Variants in SGCZ observed in about 807,000 individuals in gnomAD.
SGCZ encodes the protein sarcoglycan zeta.
In SGCZ, 40 loss-of-function variants were observed where a neutral mutation model predicts 41.3. The observed-to-expected ratio is 0.97, with a 90% CI of 0.75 to 1.26. SGCZ has a LOEUF of 1.26. Ranked by LOEUF, SGCZ falls within the 50% of genes most tolerant of loss-of-function variation. The pLI, the probability that SGCZ is intolerant of heterozygous loss-of-function variation, is 0.00. For missense variants in SGCZ, 552 were observed against 369.8 expected (o/e 1.49, Z -4.04); for synonymous variants, 206 against 137.5 (o/e 1.50, Z -3.49).
intron 2 of SGCZ, among the ~76,000 whole-genome samples, chr8:14,423,269 A>C (rs958870270): frequency 1.3e-5 from 2 of 152,050 alleles, no homozygotes; most frequent in Admixed American, 6.6e-5. Flanking sequence ...ATATGTAACT[A>C]ATCTGCACAT....
chr8:14,774,532 C>G lies in SGCZ; in HGVS notation c.40-219606G>C, dbSNP rs1008728067. Among the ~76,000 whole-genome samples, 68 of 152,200 alleles carry G rather than the reference C, an allele frequency of 4.5e-4. 1 individual carries two copies. The highest frequency in any genetic ancestry group is 1.9e-4 in the Non-Finnish European group (13 of 68,028). ...GTTGCAGCCCTTATGGCTTCTCCCA[C>G]ATGGTGTGGAAATCAGTCTTTATCA... is the stretch of plus-strand genomic sequence containing the variant. On this transcript the variant is annotated intron_variant, in intron 1 of 7. Coordinates refer to ENST00000382080, the MANE Select transcript of SGCZ (RefSeq NM_139167.4).
intron 4 of SGCZ, among the ~76,000 whole-genome samples, chr8:14,216,140 A>C (rs1226051541): frequency 1.3e-5 from 2 of 152,242 alleles, no homozygotes; most frequent in East Asian, 3.8e-4. Context: ...GTAATGATTA[A>C]AGGCCAGATT....
At chr8:14,407,841 C>T (rs1359922547) in intron 2 of SGCZ, among the ~76,000 whole-genome samples, 1 of 152,086 alleles carries the variant, frequency 6.6e-6, no homozygotes, top group African/African-American at 2.4e-5. Flanking sequence ...AAAGTAGCTC[C>T]TAAACCTCCT....
At chr8:14,497,646 T>C (rs1170334368) in intron 2 of SGCZ, among the ~76,000 whole-genome samples, 1 of 152,030 alleles carries the variant, frequency 6.6e-6, no homozygotes, top group African/African-American at 2.4e-5. Context: ...ATTTTATGTG[T>C]GGCCCAAGAT....
At chr8:14,766,494 C>A (rs1376239984) in intron 1 of SGCZ, among the ~76,000 whole-genome samples, 2 of 152,064 alleles carry the variant, frequency 1.3e-5, no homozygotes, top group African/African-American at 4.8e-5. Flanking sequence ...ACAAACTCAA[C>A]AGATGTTTGT....
intron 3 of SGCZ, among the ~76,000 whole-genome samples, chr8:14,299,446 AT>A (rs1801117403): frequency 6.6e-6 from 1 of 151,996 alleles, no homozygotes; most frequent in Non-Finnish European, 1.5e-5. Flanking sequence ...TATATAAACA[AT>A]TCCTACAAAT....
At chr8:14,449,352 G>T (rs904388192) in intron 2 of SGCZ, among the ~76,000 whole-genome samples, 2 of 152,134 alleles carry the variant, frequency 1.3e-5, no homozygotes, top group Non-Finnish European at 2.9e-5. Context: ...GATGAATGAT[G>T]TGCAATACCA....
chr8:14,837,836 T>C (rs959037054), intron 1 of SGCZ, among the ~76,000 whole-genome samples: 3 of 152,296 alleles, frequency 2.0e-5, no homozygotes, highest in African/African-American at 7.2e-5. Context: ...GGAGTGCATG[T>C]GATATTTTGA....
At chr8:14,331,390 C>T (rs949750889) in intron 2 of SGCZ, among the ~76,000 whole-genome samples, 12 of 152,012 alleles carry the variant, frequency 7.9e-5, no homozygotes, top group Non-Finnish European at 1.6e-4. Flanking sequence ...TTTTTTAATA[C>T]TTTATACTGA....
intron 1 of SGCZ, among the ~76,000 whole-genome samples, chr8:14,990,589 T>C (rs546320971): frequency 2.0e-5 from 3 of 152,082 alleles, no homozygotes; most frequent in Non-Finnish European, 4.4e-5. Context: ...CTGTCTCTCA[T>C]CACCCCTAGA....
At chr8:14,947,492 C>A (rs913382777) in intron 1 of SGCZ, among the ~76,000 whole-genome samples, 1 of 152,166 alleles carries the variant, frequency 6.6e-6, no homozygotes, top group Non-Finnish European at 1.5e-5. Context: ...AAAAGATGCT[C>A]TGCTACTGGA....
intron 3 of SGCZ, among the ~76,000 whole-genome samples, chr8:14,296,186 C>A (rs1425595120): frequency 1.3e-5 from 2 of 152,088 alleles, no homozygotes; most frequent in Non-Finnish European, 2.9e-5. Flanking sequence ...AGACTAACGT[C>A]CTGCAAAAAC....
At chr8:15,185,689 G>C (rs923117791) in intron 1 of SGCZ, among the ~76,000 whole-genome samples, 2 of 152,112 alleles carry the variant, frequency 1.3e-5, no homozygotes, top group African/African-American at 2.4e-5. Flanking sequence ...CACACTGCTT[G>C]AGACATCCTG....
chr8:14,301,335 T>C (rs1018403042), intron 3 of SGCZ, among the ~76,000 whole-genome samples: 1 of 151,826 alleles, frequency 6.6e-6, no homozygotes, highest in Non-Finnish European at 1.5e-5. Flanking sequence ...TATTGGAGTT[T>C]ATAATACAAT....
chr8:14,613,770 G>A (rs545806780), intron 1 of SGCZ, among the ~76,000 whole-genome samples: 3 of 152,214 alleles, frequency 2.0e-5, no homozygotes, highest in South Asian at 2.1e-4. Context: ...AAGATGTGAG[G>A]ATTAAACAGG....
chr8:15,115,831 G>A lies in SGCZ; in HGVS notation c.39+121754C>T, dbSNP rs76024754. ...AATAAACAACTTTTTCTGCTGTAAAGCAGTCATATTCCCAAAGGGGAAAAA... is the reference window on the plus strand; with the variant it reads ...AATAAACAACTTTTTCTGCTGTAAAACAGTCATATTCCCAAAGGGGAAAAA... On this transcript the variant is annotated intron_variant, in intron 1 of 7. Coordinates refer to ENST00000382080, the MANE Select transcript of SGCZ (RefSeq NM_139167.4). Among the ~76,000 whole-genome samples the A allele has an allele frequency of 4.7e-3, 713 of 152,300 alleles. 4 individuals carry two copies. Among genetic ancestry groups the A allele is most frequent in the African/African-American group, 0.016 (667 of 41,570 alleles).
chr8:14,674,937 T>C (rs1374022694), intron 1 of SGCZ, among the ~76,000 whole-genome samples: 7 of 104,278 alleles, frequency 6.7e-5, no homozygotes, highest in African/African-American at 1.5e-4. Flanking sequence ...TGTTTTTTTT[T>C]TTTTTTTTTT....
At chr8:14,645,873 AC>A (rs1807197389) in intron 1 of SGCZ, among the ~76,000 whole-genome samples, 2 of 151,820 alleles carry the variant, frequency 1.3e-5, no homozygotes, top group Non-Finnish European at 2.9e-5. Flanking sequence ...ACTCAATTAA[AC>A]TAAATTGAAG....
chr8:14,541,688 A>C (rs1803474113), intron 2 of SGCZ, among the ~76,000 whole-genome samples: 1 of 152,116 alleles, frequency 6.6e-6, no homozygotes, highest in East Asian at 1.9e-4. Flanking sequence ...CTGATTCTAG[A>C]TCCTTGAGGA....
Sources: gnomAD v4.1 joint callset for allele counts (sites outside exome capture counted in the v4.1 genomes callset) on GRCh38, gnomAD v4.1.1 for gene constraint, MANE v1.5 for transcripts, NCBI Gene and HGNC (gene_info 2026-07-23, HGNC 2026-07-21) for gene names.